Variants in KCNH1 observed in about 807,000 individuals in gnomAD.
The protein encoded by KCNH1 is voltage-gated delayed rectifier potassium channel KCNH1.
In KCNH1, 27 loss-of-function variants were observed where a neutral mutation model predicts 69.2. That is an observed-to-expected ratio of 0.39 (90% CI 0.29 to 0.54). KCNH1 has a LOEUF of 0.54. KCNH1 is among the 20% of genes least tolerant of loss of function. KCNH1 has a pLI of 0.68. For synonymous variants in KCNH1, 456 were observed against 487.7 expected, an observed-to-expected ratio of 0.93 and a Z score of 0.86; for missense variants, 798 against 1,261.6, an observed-to-expected ratio of 0.63 and a Z score of 5.57.
In KCNH1 at chr1:211,106,186, G is replaced by A. The variant is rs567583974; in HGVS notation, c.203+1068C>T. On this transcript the variant is annotated intron_variant, in intron 2 of 10. Coordinates refer to ENST00000271751, the MANE Select transcript of KCNH1 (RefSeq NM_172362.3). ...CTTCATGCAAACACCACTGAAGACAGAAGACTGAAGAAGGCAGAGACTGAG... is the reference window on the plus strand; with the variant it reads ...CTTCATGCAAACACCACTGAAGACAAAAGACTGAAGAAGGCAGAGACTGAG... 1.2e-3 allele frequency among the ~76,000 whole-genome samples: 176 copies of A among 152,344 alleles called. 1 individual carries two copies. The highest frequency in any genetic ancestry group is 4.1e-3 in the African/African-American group (170 of 41,574).
chr1:210,811,667 G>A (rs1272871093), intron 7 of KCNH1, among the ~76,000 whole-genome samples: 1 of 152,094 alleles, frequency 6.6e-6, no homozygotes, highest in African/African-American at 2.4e-5. Flanking sequence ...AAGGCTTCAG[G>A]AATTACTGGC....
chr1:210,859,009 G>T, intron 7 of KCNH1: 1 of 504,204 alleles, frequency 2.0e-6, no homozygotes, highest in Non-Finnish European at 3.5e-6. Context: ...GTGCCAGGTT[G>T]CATGATCAGG....
At chr1:210,969,791 G>A (rs991336081) in intron 6 of KCNH1, among the ~76,000 whole-genome samples, 3 of 151,380 alleles carry the variant, frequency 2.0e-5, no homozygotes, top group African/African-American at 7.3e-5. Flanking sequence ...TAAATAATTT[G>A]TTTTTTTAAA....
intron 5 of KCNH1, among the ~76,000 whole-genome samples, chr1:211,080,207 T>C (rs1380389236): frequency 1.3e-5 from 2 of 152,072 alleles, no homozygotes; most frequent in East Asian, 3.9e-4. Context: ...ATGAGTGAAC[T>C]CCCATTCACA....
Position 210,683,881 on chromosome 1 carries a change from C to T in KCNH1, c.2370G>A (p.Val790=). 3 of 1,614,060 alleles carry T rather than the reference C, an allele frequency of 1.9e-6. No homozygotes were observed. The highest frequency in any genetic ancestry group is 2.5e-6 in the Non-Finnish European group (3 of 1,179,934). Residue 790 remains valine (V), a synonymous_variant, in exon 11 of 11, where the codon GTG becomes GTA. Transcript: ENST00000271751. The surrounding 1 kb of genome is among the most constrained non-coding windows in gnomAD (Gnocchi z 5.7). ...ATACGGGCGTGGCAGGACTCTCACG[C>T]ACGGTGACCACGCTGGCCTTCACGA... is the stretch of plus-strand genomic sequence containing the variant. The part of the protein sequence containing the change: ...HSLVKASVVT[V]RESPATPVSF...
intron 6 of KCNH1, among the ~76,000 whole-genome samples, chr1:210,925,351 T>C (rs1687546687): frequency 6.6e-6 from 1 of 152,170 alleles, no homozygotes; most frequent in Non-Finnish European, 1.5e-5. Flanking sequence ...CAGGAATATA[T>C]CAGGAAAGCC....
intron 6 of KCNH1, among the ~76,000 whole-genome samples, chr1:210,971,917 A>G (rs781188532): frequency 3.3e-5 from 5 of 152,090 alleles, no homozygotes; most frequent in Non-Finnish European, 5.9e-5. Flanking sequence ...TGTGCATATA[A>G]TCCATTATTA....
intron 7 of KCNH1, among the ~76,000 whole-genome samples, chr1:210,907,871 T>G (rs1687148227): frequency 6.6e-6 from 1 of 152,318 alleles, no homozygotes; most frequent in East Asian, 1.9e-4. Flanking sequence ...GACATTACTT[T>G]TACCCCTTAA....
In KCNH1 at chr1:211,068,526, G is replaced by A. The variant is rs146148487; in HGVS notation, c.558+14254C>T. Among the ~76,000 whole-genome samples, 15 of 152,250 alleles carry A rather than the reference G, an allele frequency of 9.9e-5. No individual in the cohort carries two copies. In the East Asian group the frequency reaches 2.7e-3, roughly 27 times the overall value. ...TTCTTCTGCCTCAGCCTGCTGAGCA[G>A]CTAGGACTATAGGCACATGCCACCA... On this transcript the variant is annotated intron_variant, in intron 5 of 10. Coordinates refer to ENST00000271751, the MANE Select transcript of KCNH1 (RefSeq NM_172362.3).
intron 7 of KCNH1, among the ~76,000 whole-genome samples, chr1:210,894,633 G>T (rs913670123): frequency 6.6e-6 from 1 of 152,114 alleles, no homozygotes; most frequent in Non-Finnish European, 1.5e-5. Context: ...TAATCCCTCT[G>T]CCCTCACGAA....
At chr1:210,729,949 C>G (rs999950318) in intron 10 of KCNH1, among the ~76,000 whole-genome samples, 1 of 152,164 alleles carries the variant, frequency 6.6e-6, no homozygotes, top group Non-Finnish European at 1.5e-5. Context: ...CACACTCTTT[C>G]ATGGATAGAA....
At chr1:210,734,675 T>C (rs1010607864) in intron 10 of KCNH1, among the ~76,000 whole-genome samples, 6 of 151,944 alleles carry the variant, frequency 3.9e-5, no homozygotes, top group Non-Finnish European at 7.4e-5. Context: ...GCACCATGTA[T>C]GGAAGATGCC....
chr1:210,916,594 C>T (rs1687336658), intron 7 of KCNH1, among the ~76,000 whole-genome samples: 1 of 152,124 alleles, frequency 6.6e-6, no homozygotes, highest in Non-Finnish European at 1.5e-5. Context: ...GATCTGAATC[C>T]TATCTCTCCT....
chr1:210,986,908 CT>C, intron 6 of KCNH1, among the ~76,000 whole-genome samples: 1 of 152,364 alleles, frequency 6.6e-6, no homozygotes, highest in Non-Finnish European at 1.5e-5. Flanking sequence ...CTCCCCATCA[CT>C]TTCAGGTATA....
At chr1:210,953,034 C>T (rs1006572128) in intron 6 of KCNH1, among the ~76,000 whole-genome samples, 10 of 152,108 alleles carry the variant, frequency 6.6e-5, no homozygotes, top group African/African-American at 1.4e-4. Flanking sequence ...TCAAAAGGTA[C>T]CCCAGCTTTT....
At chr1:210,801,350 G>T (rs979960312) in intron 8 of KCNH1, among the ~76,000 whole-genome samples, 3 of 152,200 alleles carry the variant, frequency 2.0e-5, no homozygotes, top group African/African-American at 7.2e-5. Context: ...CAGATGGGGA[G>T]AGGTATAGGA....
chr1:211,004,651 T>C (rs1689245466), intron 6 of KCNH1, among the ~76,000 whole-genome samples: 1 of 152,106 alleles, frequency 6.6e-6, no homozygotes, highest in African/African-American at 2.4e-5. Flanking sequence ...GAAACTAAGA[T>C]ATCACATCAA....
chr1:211,078,082 A>C (rs1690770739), intron 5 of KCNH1, among the ~76,000 whole-genome samples: 1 of 152,218 alleles, frequency 6.6e-6, no homozygotes. Context: ...TTCTAAATAT[A>C]TATTCACCCA....
intron 6 of KCNH1, among the ~76,000 whole-genome samples, chr1:210,930,387 T>A (rs548799806): frequency 1.1e-4 from 17 of 152,148 alleles, no homozygotes; most frequent in Non-Finnish European, 2.2e-4. Flanking sequence ...ACCCAAATAC[T>A]TACAGCCAAC....
Sources: allele counts gnomAD v4.1 joint callset (sites outside exome capture counted in the v4.1 genomes callset), GRCh38; gene constraint gnomAD v4.1.1; non-coding constraint Gnocchi (gnomAD v3.1); transcripts MANE v1.5; gene names NCBI Gene and HGNC (gene_info 2026-07-23, HGNC 2026-07-21).